ARHGEF28: variants seen among roughly 807,000 people sequenced by gnomAD.
The protein encoded by ARHGEF28 is Rho guanine nucleotide exchange factor 28, also known as 190 kDa guanine nucleotide exchange factor.
Under a neutral mutation model 206.6 loss-of-function variants are expected in ARHGEF28, and 152 were observed. That is an observed-to-expected ratio of 0.74 (90% CI 0.64 to 0.84). The LOEUF (loss-of-function observed/expected upper bound fraction) is 0.84, where lower values mean the gene tolerates loss of function less well. ARHGEF28 is among the 40% of genes least tolerant of loss of function. The pLI, the probability that ARHGEF28 is intolerant of heterozygous loss-of-function variation, is 0.00. For synonymous variants in ARHGEF28, 763 were observed against 776.4 expected, an observed-to-expected ratio of 0.98 and a Z score of 0.29; for missense variants, 2,028 against 2,073.2, an observed-to-expected ratio of 0.98 and a Z score of 0.42.
At chr5:73,740,021 A>C (rs965773018) in intron 2 of ARHGEF28, among the ~76,000 whole-genome samples, 7 of 148,912 alleles carry the variant, frequency 4.7e-5, no homozygotes, top group Non-Finnish European at 8.9e-5. Flanking sequence ...AAAAAAAAAA[A>C]ATTTAGCTAG....
At position 73,754,750 on chromosome 5, in the gene ARHGEF28, G is replaced by A. The variant is rs114688473; in HGVS notation, c.475+1548G>A. On this transcript the variant is annotated intron_variant, in intron 4 of 35. Coordinates refer to ENST00000513042, the MANE Select transcript of ARHGEF28 (RefSeq NM_001177693.2). ...CTTGCTCTGTTGCCCAGGCTGGAGC[G>A]CAGTGGCACAATCATAGCTCACTGC... 6.7e-3 allele frequency among the ~76,000 whole-genome samples: 1,026 copies of A among 152,118 alleles called. 2 individuals carry two copies. Among genetic ancestry groups the A allele is most frequent in the Non-Finnish European group, 0.011 (742 of 67,982 alleles).
At position 73,887,672 on chromosome 5, in the gene ARHGEF28, C is replaced by T; in HGVS notation, c.3380C>T (p.Ala1127Val). The change falls in exon 26 of 36, where the codon GCA becomes GTA. Residue 1127 changes from alanine to valine, a missense_variant. This residue lies in a region of ARHGEF28 where 803 missense variants were observed against 768.0 expected (regional missense o/e 1.05). Transcript: ENST00000513042. ...GAAAAAGACCAGAAATACATCTTTG[C>T]AGCCGTTGTAAGTATATGACTGTGT... is the stretch of plus-strand genomic sequence containing the variant. ...LQEKDQKYIF[A>V]AVDQKPSVIS... The T allele has an allele frequency of 6.4e-7, 1 of 1,567,828 alleles. No homozygotes were observed. The highest frequency in any genetic ancestry group is 1.9e-5 in the Admixed American group (1 of 53,610).
At chr5:73,915,911 A>T (rs987215133) in intron 35 of ARHGEF28, among the ~76,000 whole-genome samples, 1 of 152,216 alleles carries the variant, frequency 6.6e-6, no homozygotes, top group African/African-American at 2.4e-5. Flanking sequence ...AATGTAAGTC[A>T]AGCCAAATTT....
chr5:73,669,408 C>G (rs540262222), intron 1 of ARHGEF28, among the ~76,000 whole-genome samples: 1 of 152,124 alleles, frequency 6.6e-6, no homozygotes, highest in Non-Finnish European at 1.5e-5. Context: ...TTGTAAGAAA[C>G]AGTAGAGATA....
In ARHGEF28 at chr5:73,904,243, G is replaced by T; in HGVS notation, c.4096G>T (p.Gly1366Cys). Residue 1366 changes from glycine (G) to cysteine (C), a missense_variant, in exon 32 of 36, where the codon GGT becomes TGT. Coordinates refer to ENST00000513042, the MANE Select transcript of ARHGEF28 (RefSeq NM_001177693.2). ...GEKVECRNFP[G>C]SSQSEIIQAI... Reference sequence around the variant, plus strand: ...TTAGGTGGAATGTAGAAATTTTCCAGGTTCTTCACAATCAGAGGTGAGCTG... The same window carrying T: ...TTAGGTGGAATGTAGAAATTTTCCATGTTCTTCACAATCAGAGGTGAGCTG... 1 of 1,613,850 alleles carries T rather than the reference G, an allele frequency of 6.2e-7. No individual in the cohort carries two copies. Among genetic ancestry groups the T allele is most frequent in the Non-Finnish European group, 8.5e-7 (1 of 1,179,800 alleles).
intron 4 of ARHGEF28, among the ~76,000 whole-genome samples, chr5:73,761,816 A>G (rs1752616092): frequency 6.6e-6 from 1 of 151,952 alleles, no homozygotes; most frequent in South Asian, 2.1e-4. Flanking sequence ...GGGTCCTTAG[A>G]ATTTGCTCAG....
intron 1 of ARHGEF28, among the ~76,000 whole-genome samples, chr5:73,677,571 C>T (rs1026098045): frequency 2.0e-5 from 3 of 152,104 alleles, no homozygotes; most frequent in Admixed American, 2.0e-4. Flanking sequence ...ATTTACTTTC[C>T]TCTTTTATTA....
At chr5:73,786,471 G>A (rs1754168833) in intron 7 of ARHGEF28, 1 of 152,178 alleles carries the variant, frequency 6.6e-6, no homozygotes, top group South Asian at 2.1e-4. Context: ...GCATTTGGGG[G>A]ATAGAAAAAG....
chr5:73,777,854 G>C (rs1304999485), intron 6 of ARHGEF28, among the ~76,000 whole-genome samples: 2 of 152,076 alleles, frequency 1.3e-5, no homozygotes, highest in Non-Finnish European at 2.9e-5. Context: ...GCCGAGGTGG[G>C]TGGATCATGA....
At chr5:73,848,935 C>A in intron 12 of ARHGEF28, 41 bp from the exon 13 acceptor site, 1 of 1,357,700 alleles carries the variant, frequency 7.4e-7, no homozygotes, top group East Asian at 2.5e-5. Flanking sequence ...ATTTTCAGAC[C>A]ATGTATAAAT....
At chr5:73,674,610 G>T (rs1746541659) in intron 1 of ARHGEF28, among the ~76,000 whole-genome samples, 1 of 152,180 alleles carries the variant, frequency 6.6e-6, no homozygotes, top group South Asian at 2.1e-4. Flanking sequence ...TTATGCTAAT[G>T]AGGTGACTGG....
intron 2 of ARHGEF28, among the ~76,000 whole-genome samples, chr5:73,709,123 CGTTT>C (rs749016290): frequency 6.6e-5 from 10 of 152,122 alleles, no homozygotes; most frequent in Non-Finnish European, 1.5e-4. Context: ...TTCTGTCATA[CGTTT>C]GTAATACAGT....
intron 26 of ARHGEF28, among the ~76,000 whole-genome samples, chr5:73,889,978 T>C (rs764317149): frequency 1.4e-4 from 22 of 152,236 alleles, no homozygotes; most frequent in Non-Finnish European, 3.1e-4. Context: ...AACTGATTTT[T>C]AAACTTTGTT....
At chr5:73,813,484 C>A in intron 9 of ARHGEF28, 1 of 1,495,108 alleles carries the variant, frequency 6.7e-7, no homozygotes. Flanking sequence ...CAATCTCATT[C>A]CTTCCCTTTA....
At chr5:73,787,396 A>G (rs112162803) in intron 7 of ARHGEF28, among the ~76,000 whole-genome samples, 6 of 152,250 alleles carry the variant, frequency 3.9e-5, no homozygotes, top group African/African-American at 1.4e-4. Flanking sequence ...ATTTAGTATT[A>G]TTATCATTAT....
chr5:73,896,951 C>G (rs931274243), intron 29 of ARHGEF28, among the ~76,000 whole-genome samples: 25 of 152,314 alleles, frequency 1.6e-4, no homozygotes, highest in African/African-American at 6.0e-4. Context: ...GGGTCACTGA[C>G]CATCCAGCCC....
At chr5:73,753,612 A>T (rs1752145919) in intron 4 of ARHGEF28, among the ~76,000 whole-genome samples, 1 of 152,326 alleles carries the variant, frequency 6.6e-6, no homozygotes, top group East Asian at 1.9e-4. Flanking sequence ...AAGACATGTG[A>T]CCACATGGGA....
chr5:73,646,683 G>T (rs1351902421), intron 1 of ARHGEF28, among the ~76,000 whole-genome samples: 4 of 152,132 alleles, frequency 2.6e-5, no homozygotes, highest in African/African-American at 9.7e-5. Context: ...TGTTCTTTAA[G>T]ATCTCCTTAA....
At chr5:73,755,209 A>G (rs576304499) in intron 4 of ARHGEF28, among the ~76,000 whole-genome samples, 1 of 151,998 alleles carries the variant, frequency 6.6e-6, no homozygotes, top group African/African-American at 2.4e-5. Context: ...CATATTGTCT[A>G]TATCTAAATA....
Sources: allele counts gnomAD v4.1 joint callset (sites outside exome capture counted in the v4.1 genomes callset), GRCh38; gene constraint gnomAD v4.1.1; regional missense constraint gnomAD v4.1.1; transcripts MANE v1.5; gene names NCBI Gene and HGNC (gene_info 2026-07-23, HGNC 2026-07-21).